APOOL: variants seen among roughly 807,000 people sequenced by gnomAD.
APOOL encodes the protein apolipoprotein O like, also known as MICOS complex subunit MIC27.
Under a neutral mutation model 23.1 loss-of-function variants are expected in APOOL, and 12 were observed. That is an observed-to-expected ratio of 0.52 (90% confidence interval 0.33 to 0.84). The LOEUF is 0.84. Ranked by LOEUF, APOOL falls within the 40% of genes least tolerant of loss-of-function variation. APOOL has a pLI of 0.02. For missense variants in APOOL, 212 were observed against 199.6 expected, an observed-to-expected ratio of 1.06 and a Z score of -0.37; for synonymous variants, 77 against 69.9, an observed-to-expected ratio of 1.10 and a Z score of -0.51.
chrX:85,008,256 T>C lies in APOOL; in HGVS notation c.15+4329T>C, dbSNP rs1921144806. Among the ~76,000 whole-genome samples the C allele has an allele frequency of 3.6e-5, 4 of 111,788 alleles. No individual in the cohort carries two copies. The South Asian group carries it at 1.5e-3, about 42-fold the overall frequency. On this transcript the variant is annotated intron_variant, in intron 1 of 8. Coordinates refer to ENST00000373173, the MANE Select transcript of APOOL (RefSeq NM_198450.6). ...GTTTATATGTATCACTTCACCATGC[T>C]GTGTATTATATCCCTTGAACTTACC...
chrX:85,039,806 T>C (rs922566430), intron 1 of APOOL, among the ~76,000 whole-genome samples: 1 of 111,949 alleles, frequency 8.9e-6, no homozygotes, highest in East Asian at 2.8e-4. Context: ...GCATGTGAGA[T>C]GGGTCTCTTG....
chrX:85,005,775 C>T (rs929028631), intron 1 of APOOL, among the ~76,000 whole-genome samples: 2 of 110,884 alleles, frequency 1.8e-5, no homozygotes, highest in African/African-American at 6.6e-5. Context: ...GAGTTTCTTA[C>T]CTGAAGAGAA....
intron 6 of APOOL, among the ~76,000 whole-genome samples, chrX:85,069,373 C>A (rs1347403256): frequency 9.1e-6 from 1 of 109,543 alleles, no homozygotes; most frequent in African/African-American, 3.3e-5. Context: ...AAATGTATAC[C>A]CACAATTTTA....
intron 8 of APOOL, among the ~76,000 whole-genome samples, chrX:85,086,844 C>G (rs1212487369): frequency 1.3e-5 from 1 of 78,769 alleles, no homozygotes; most frequent in East Asian, 4.0e-4. Flanking sequence ...GGACTACAGG[C>G]GCCCGCCAAC....
chrX:85,078,440 T>A (rs1177041742), intron 8 of APOOL, among the ~76,000 whole-genome samples: 1 of 111,513 alleles, frequency 9.0e-6, no homozygotes, highest in Non-Finnish European at 1.9e-5. Context: ...TTCTGTTCCA[T>A]TGGTCTATCT....
chrX:85,049,186 C>A (rs1371933047), intron 2 of APOOL, among the ~76,000 whole-genome samples: 1 of 111,575 alleles, frequency 9.0e-6, no homozygotes, highest in African/African-American at 3.3e-5. Context: ...TGAGAACATA[C>A]AAGTTCTATC....
intron 5 of APOOL, among the ~76,000 whole-genome samples, chrX:85,058,588 C>T (rs1166836916): frequency 9.0e-6 from 1 of 111,539 alleles, no homozygotes; most frequent in East Asian, 2.8e-4. Flanking sequence ...GGGTATATAC[C>T]TAGTAATGGG....
rs752255967 is a variant in APOOL at position 85,076,995 on chromosome X, T to TTATATATATATATA, written c.718+2613_718+2626dup. ...TTTTTAGGTGATAAATTTGCTAAAC[T>TTATATATATATATA]TATATATATATATATATATATACGT... On this transcript the variant is annotated intron_variant, in intron 8 of 8. Coordinates refer to ENST00000373173, the MANE Select transcript of APOOL (RefSeq NM_198450.6). Among the ~76,000 whole-genome samples the TTATATATATATATA allele has an allele frequency of 7.3e-3, 605 of 82,410 alleles. 8 individuals carry two copies. Among genetic ancestry groups the TTATATATATATATA allele is most frequent in the African/African-American group, 0.03 (572 of 19,139 alleles). The allele number at this position is 82,410 out of a possible 115,157, so 71.6% of individuals were successfully genotyped here. A position where few individuals can be genotyped will look rare whatever the true frequency, so the allele number is the denominator to read the frequency against.
intron 2 of APOOL, among the ~76,000 whole-genome samples, chrX:85,051,169 T>C (rs1341815415): frequency 1.8e-5 from 2 of 111,567 alleles, no homozygotes; most frequent in African/African-American, 6.5e-5. Context: ...ACCATTGGAT[T>C]ATATTATATT....
chrX:85,066,222 T>C (rs929951109), intron 5 of APOOL, among the ~76,000 whole-genome samples: 2 of 112,245 alleles, frequency 1.8e-5, no homozygotes, highest in African/African-American at 3.2e-5. Flanking sequence ...CTGGATCATA[T>C]ATACAGTATA....
chrX:85,013,019 G>A (rs770210645), intron 1 of APOOL, among the ~76,000 whole-genome samples: 14 of 111,035 alleles, frequency 1.3e-4, no homozygotes, highest in African/African-American at 3.9e-4. Flanking sequence ...TTTCGATTTC[G>A]CTATTGGTCT....
chrX:85,090,768 A>G lies in APOOL; in HGVS notation c.*3090A>G, dbSNP rs953314724. ...AACTTCTACCCATCCTACAAGTCCA[A>G]TTCCAGTGTCATGTTCCCTTTCTCA... On this transcript the variant is annotated 3_prime_UTR_variant, in exon 9 of 9. Transcript: ENST00000373173. 9.0e-6 allele frequency: 1 copy of G among 111,571 alleles called. No individual in the cohort carries two copies. Among genetic ancestry groups the G allele is most frequent in the Non-Finnish European group, 1.9e-5 (1 of 53,154 alleles). 9.2% of individuals were successfully genotyped at this position (111,571 alleles called of 1,213,427 possible).
At chrX:85,041,462 G>A (rs1339079587) in intron 1 of APOOL, among the ~76,000 whole-genome samples, 1 of 111,544 alleles carries the variant, frequency 9.0e-6, no homozygotes, top group Non-Finnish European at 1.9e-5. Flanking sequence ...GGTTGTGTTA[G>A]GATCCCAGGC....
At chrX:85,031,400 C>T (rs1922032850) in intron 1 of APOOL, among the ~76,000 whole-genome samples, 1 of 111,226 alleles carries the variant, frequency 9.0e-6, no homozygotes, top group Non-Finnish European at 1.9e-5. Flanking sequence ...TCTAAGACTA[C>T]TCACAGGAGT....
intron 1 of APOOL, among the ~76,000 whole-genome samples, chrX:85,038,223 C>G (rs1478591412): frequency 9.0e-6 from 1 of 111,548 alleles, no homozygotes; most frequent in African/African-American, 3.3e-5. Flanking sequence ...AGGTTTAAAG[C>G]CTTCTTGGTC....
intron 1 of APOOL, among the ~76,000 whole-genome samples, chrX:85,030,960 C>T (rs1048114411): frequency 9.0e-6 from 1 of 111,237 alleles, no homozygotes; most frequent in Non-Finnish European, 1.9e-5. Flanking sequence ...CAGAGTTCAC[C>T]AGAATTGTAT....
In APOOL at chrX:85,089,883, A is replaced by G. The variant is rs1200435149; in HGVS notation, c.*2205A>G. ...CTTCAGGCTAATTTGCTCACTGTCA[A>G]TCTTGCTGTCTCTCATTTCAGAATA... On this transcript the variant is annotated 3_prime_UTR_variant, in exon 9 of 9. Coordinates refer to ENST00000373173, the MANE Select transcript of APOOL (RefSeq NM_198450.6). The G allele has an allele frequency of 1.8e-5, 2 of 108,794 alleles. No individual in the cohort carries two copies. The highest frequency in any genetic ancestry group is 3.8e-5 in the Non-Finnish European group (2 of 52,591). 9.0% of individuals were successfully genotyped at this position (108,794 alleles called of 1,213,427 possible). A position where few individuals can be genotyped will look rare whatever the true frequency, so the allele number is the denominator to read the frequency against.
At chrX:85,011,222 G>C (rs1378653125) in intron 1 of APOOL, among the ~76,000 whole-genome samples, 1 of 111,727 alleles carries the variant, frequency 9.0e-6, no homozygotes, top group East Asian at 2.8e-4. Flanking sequence ...TGAGTTCCTT[G>C]TAGATACTGG....
chrX:85,046,395 A>C (rs1371027067), intron 1 of APOOL, 51 bp from the exon 2 acceptor site: 1 of 1,006,196 alleles, frequency 9.9e-7, no homozygotes, highest in African/African-American at 1.9e-5. Flanking sequence ...TAGGAAATGG[A>C]AGATGGAAAG....
Sources: allele counts gnomAD v4.1 joint callset (sites outside exome capture counted in the v4.1 genomes callset), GRCh38; gene constraint gnomAD v4.1.1; transcripts MANE v1.5; gene names NCBI Gene and HGNC (gene_info 2026-07-23, HGNC 2026-07-21).